Variants in FAM111B observed in about 807,000 individuals in gnomAD.
The protein encoded by FAM111B is serine protease FAM111B.
Under a neutral mutation model 2.8 loss-of-function variants are expected in FAM111B, and 1 was observed. The observed-to-expected ratio is 0.36, with a 90% CI of 0.13 to 1.70. The LOEUF is 1.70. FAM111B is among the 40% of genes most tolerant of loss of function. The probability of loss-of-function intolerance (pLI) is 0.35; values close to 1 mark genes in which losing one functional copy is unlikely to be tolerated. For missense variants in FAM111B, 882 were observed against 878.9 expected, an observed-to-expected ratio of 1.00 and a Z score of -0.04; for synonymous variants, 297 against 295.6, an observed-to-expected ratio of 1.00 and a Z score of -0.05.
intron 3 of FAM111B, among the ~76,000 whole-genome samples, chr11:59,114,982 T>C (rs1859817799): frequency 6.6e-6 from 1 of 152,026 alleles, no homozygotes; most frequent in African/African-American, 2.4e-5. Flanking sequence ...GGAACAACAT[T>C]GAAGATAGAG....
chr11:59,119,158 C>G (rs893805458), intron 3 of FAM111B, among the ~76,000 whole-genome samples: 2 of 152,170 alleles, frequency 1.3e-5, no homozygotes, highest in African/African-American at 4.8e-5. Context: ...AGGTGATTTC[C>G]TCACATGCAT....
chr11:59,121,069 G>GAAAA (rs368983942), intron 3 of FAM111B, among the ~76,000 whole-genome samples: 11 of 84,898 alleles, frequency 1.3e-4, no homozygotes, highest in African/African-American at 3.0e-4. Context: ...ACAATTTTTT[G>GAAAA]AAAAAAAAAA....
chr11:59,118,004 C>A (rs1859864683), intron 3 of FAM111B, among the ~76,000 whole-genome samples: 1 of 152,196 alleles, frequency 6.6e-6, no homozygotes, highest in Non-Finnish European at 1.5e-5. Flanking sequence ...GATTTAAATA[C>A]CCTCTAGAGG....
rs1325583054 is a variant in FAM111B at position 59,124,336 on chromosome 11, G to C, written c.239G>C (p.Cys80Ser). ...QNPNLNNKEC[C>S]FTFTLNGNSR... ...CCAAATTTGAACAATAAAGAATGTT[G>C]TTTCACCTTTACGTTGAATGGAAAC... The change falls in exon 4 of 4, where the codon TGT becomes TCT. Residue 80 changes from cysteine to serine, a missense_variant. Cys to Ser is a moderately radical substitution (Grantham distance 112, BLOSUM62 -1). Transcript: ENST00000343597. 8 of 1,613,624 alleles carry C rather than the reference G, an allele frequency of 5.0e-6. No homozygotes were observed. The South Asian group carries it at 8.8e-5, about 18-fold the overall frequency.
chr11:59,113,874 C>T (rs1859799661), intron 3 of FAM111B, among the ~76,000 whole-genome samples: 1 of 152,186 alleles, frequency 6.6e-6, no homozygotes, highest in African/African-American at 2.4e-5. Flanking sequence ...GGCATTTGTT[C>T]AGAATGCATT....
Position 59,126,458 on chromosome 11 carries a change from C to A in FAM111B, c.*156C>A. The A allele has an allele frequency of 3.6e-6, 2 of 549,988 alleles. No individual in the cohort carries two copies. Among genetic ancestry groups the A allele is most frequent in the Non-Finnish European group, 6.1e-6 (2 of 329,072 alleles). The allele number at this position is 549,988 out of a possible 1,614,324, so 34.1% of individuals were successfully genotyped here. A position where few individuals can be genotyped will look rare whatever the true frequency, so the allele number is the denominator to read the frequency against. On this transcript the variant is annotated 3_prime_UTR_variant, in exon 4 of 4. Coordinates refer to ENST00000343597, the MANE Select transcript of FAM111B (RefSeq NM_198947.4). ...AAAGAAACTATCAACAGGGTAAACA[C>A]ACAACCTACGGAATGGGAGAAAATA...
At position 59,124,481 on chromosome 11, in the gene FAM111B, C is replaced by T. The variant is rs1189804068; in HGVS notation, c.384C>T (p.Asn128=). The T allele has an allele frequency of 2.5e-6, 4 of 1,613,304 alleles. No homozygotes were observed. The highest frequency in any genetic ancestry group is 4.5e-5 in the East Asian group (2 of 44,868). Residue 128 remains asparagine (N), a synonymous_variant, in exon 4 of 4, where the codon AAC becomes AAT. Transcript: ENST00000343597. Reference sequence around the variant, plus strand: ...GGATAAAGAATCAGTTTAATAAGAACATTATTGTTTATGAAGAAAAGACAA... The same window carrying T: ...GGATAAAGAATCAGTTTAATAAGAATATTATTGTTTATGAAGAAAAGACAA... ...SERIKNQFNK[N]IIVYEEKTID...
At chr11:59,122,021 T>C (rs954360399) in intron 3 of FAM111B, among the ~76,000 whole-genome samples, 2 of 152,144 alleles carry the variant, frequency 1.3e-5, no homozygotes, top group Non-Finnish European at 2.9e-5. Context: ...CATGCACCTG[T>C]AATCCCAGCT....
chr11:59,111,443 T>A (rs1218324743), intron 3 of FAM111B, among the ~76,000 whole-genome samples: 1 of 152,188 alleles, frequency 6.6e-6, no homozygotes, highest in Non-Finnish European at 1.5e-5. Context: ...GTTTACAGAC[T>A]TTATCTTTGT....
rs112599782 is a variant in FAM111B, at chr11:59,119,379, CATT to C, written c.82-4799_82-4797del. Among the ~76,000 whole-genome samples the C allele has an allele frequency of 5.2e-3, 799 of 152,312 alleles. 10 individuals are homozygous for C. Among genetic ancestry groups the C allele is most frequent in the African/African-American group, 0.018 (742 of 41,562 alleles). ...GCTGGGGCAGTCATAGAGTTTGCAT[CATT>C]GTTTTTCCGTTTCTCAGGTGTCACT... On this transcript the variant is annotated intron_variant, in intron 3 of 3. Coordinates refer to ENST00000343597, the MANE Select transcript of FAM111B (RefSeq NM_198947.4).
In FAM111B at chr11:59,126,471, ATGGGAGAAAATATT is replaced by A. The variant is rs369812575; in HGVS notation, c.*172_*185del. 2,375 of 502,646 alleles carry A rather than the reference ATGGGAGAAAATATT, an allele frequency of 4.7e-3. 51 individuals carry two copies. The highest frequency in any genetic ancestry group is 0.042 in the African/African-American group (2,126 of 50,684). 31.1% of individuals were successfully genotyped at this position (502,646 alleles called of 1,614,324 possible). ...ACAGGGTAAACACACAACCTACGGA[ATGGGAGAAAATATT>A]TGCAAACTATGCATACAGCAAAGAT... On this transcript the variant is annotated 3_prime_UTR_variant, in exon 4 of 4. Transcript: ENST00000343597.
At chr11:59,114,114 A>G (rs903630945) in intron 3 of FAM111B, among the ~76,000 whole-genome samples, 9 of 152,364 alleles carry the variant, frequency 5.9e-5, no homozygotes, top group African/African-American at 2.2e-4. Context: ...AGGGAAGTCA[A>G]GAGGCCTCTG....
intron 3 of FAM111B, among the ~76,000 whole-genome samples, chr11:59,118,437 A>T (rs1327662350): frequency 6.6e-6 from 1 of 152,226 alleles, no homozygotes; most frequent in Non-Finnish European, 1.5e-5. Flanking sequence ...TTCCTACAAT[A>T]TATTTTAGGA....
At position 59,108,728 on chromosome 11, in the gene FAM111B, G is replaced by A. The variant is rs1859707146; in HGVS notation, c.-87+16G>A. ...GAAATTCAAGGTAATGACTTTTAAT[G>A]TTTCTGACTGCTAGTTCTATCTTCT... On this transcript the variant is annotated intron_variant, in intron 2 of 3. Coordinates refer to ENST00000343597, the MANE Select transcript of FAM111B (RefSeq NM_198947.4). The A allele has an allele frequency of 6.6e-6, 1 of 152,274 alleles. No individual in the cohort carries two copies. Among genetic ancestry groups the A allele is most frequent in the Non-Finnish European group, 1.5e-5 (1 of 68,128 alleles). 9.4% of individuals were successfully genotyped at this position (152,274 alleles called of 1,614,324 possible).
At chr11:59,109,944 A>G in intron 3 of FAM111B, 2 of 295,480 alleles carry the variant, frequency 6.8e-6, no homozygotes. Flanking sequence ...AGACACTTAA[A>G]GTCTTGGAAA....
chr11:59,120,767 C>T lies in FAM111B; in HGVS notation c.82-3412C>T, dbSNP rs148248934. 2.6e-5 allele frequency among the ~76,000 whole-genome samples: 4 copies of T among 152,236 alleles called. No homozygotes were observed. The East Asian group carries it at 7.7e-4, about 29-fold the overall frequency. On this transcript the variant is annotated intron_variant, in intron 3 of 3. Transcript: ENST00000343597. ...GAGGCCCATCCTACTGCAGTGTGACCTCATTTTTAACTAAGTATATCAACA... is the reference window on the plus strand; with the variant it reads ...GAGGCCCATCCTACTGCAGTGTGACTTCATTTTTAACTAAGTATATCAACA...
rs1860032823 is a variant in FAM111B, at chr11:59,126,256, A to C, written c.2159A>C (p.Gln720Pro). The C allele has an allele frequency of 2.5e-6, 4 of 1,583,034 alleles. No homozygotes were observed. The highest frequency in any genetic ancestry group is 3.4e-4 in the Middle Eastern group (2 of 5,878). Residue 720 changes from glutamine (Q) to proline (P), a missense_variant, in exon 4 of 4, where the codon CAA becomes CCA. Gln to Pro is a moderately conservative substitution (Grantham distance 76, BLOSUM62 -1). Coordinates refer to ENST00000343597, the MANE Select transcript of FAM111B (RefSeq NM_198947.4). ...ACCTACGATGAAGAGAAAGGTAAAC[A>C]AGAGTCATCACTTCAAGATCATCAG... ...LETYDEEKGK[Q>P]ESSLQDHQIE... is the part of the protein sequence containing the mutation.
chr11:59,121,680 T>TTGTAGA (rs1859924053), intron 3 of FAM111B, among the ~76,000 whole-genome samples: 1 of 152,234 alleles, frequency 6.6e-6, no homozygotes, highest in Non-Finnish European at 1.5e-5. Context: ...AGAGACACCC[T>TTGTAGA]TGTAGATGTG....
intron 3 of FAM111B, among the ~76,000 whole-genome samples, chr11:59,115,102 G>A (rs1859819699): frequency 6.6e-6 from 1 of 152,130 alleles, no homozygotes; most frequent in Non-Finnish European, 1.5e-5. Context: ...CATTAGACTT[G>A]GAATTCTCTA....
Sources: gnomAD v4.1 joint callset for allele counts (sites outside exome capture counted in the v4.1 genomes callset) on GRCh38, gnomAD v4.1.1 for gene constraint, MANE v1.5 for transcripts, NCBI Gene and HGNC (gene_info 2026-07-23, HGNC 2026-07-21) for gene names.